CACNA1I: variants seen among roughly 807,000 people sequenced by gnomAD.
CACNA1I encodes calcium voltage-gated channel subunit alpha1 I.
A neutral mutation model predicts 201.6 loss-of-function variants in CACNA1I; 74 were observed. The observed-to-expected ratio is 0.37, with a 90% CI of 0.30 to 0.45. CACNA1I has a LOEUF of 0.45. CACNA1I is among the 20% of genes least tolerant of loss of function. The probability of loss-of-function intolerance (pLI) is 1.00; values close to 1 mark genes in which losing one functional copy is unlikely to be tolerated. For synonymous variants in CACNA1I, 1,431 were observed against 1,345.2 expected (o/e 1.06, Z -1.40); for missense variants, 2,346 against 3,138.1 (o/e 0.75, Z 6.03).
chr22:39,674,053 G>C lies in CACNA1I; in HGVS notation c.4854+20G>C, dbSNP rs2146469125. 6.2e-7 allele frequency: 1 copy of C among 1,611,292 alleles called. No individual in the cohort carries two copies. Among genetic ancestry groups the C allele is most frequent in the East Asian group, 2.2e-5 (1 of 44,864 alleles). On this transcript the variant is annotated intron_variant, in intron 29 of 36. Coordinates refer to ENST00000402142, the MANE Select transcript of CACNA1I (RefSeq NM_021096.4). Reference sequence around the variant, plus strand: ...CCCCAGGTAAGAGCCACTCTTTCTGGCAGCCCTCCTAGGGGTCATTGGTGT... The same window carrying C: ...CCCCAGGTAAGAGCCACTCTTTCTGCCAGCCCTCCTAGGGGTCATTGGTGT...
At position 39,680,957 on chromosome 22, in the gene CACNA1I, T is replaced by C. The variant is rs1935685152; in HGVS notation, c.5569T>C (p.Ser1857Pro). The change falls in exon 34 of 37, where the codon TCC becomes CCC. Residue 1857 changes from serine to proline, a missense_variant. This residue lies in a region of CACNA1I where 441 missense variants were observed against 555.6 expected (regional missense o/e 0.79). Coordinates refer to ENST00000402142, the MANE Select transcript of CACNA1I (RefSeq NM_021096.4). ...GCAGCTGGCTGAGACGGAGGCCTTC[T>C]CCCTGAACTCAGACAGGTCCTCGTC... ...EVQLAETEAF[S>P]LNSDRSSSIL... 6.2e-7 allele frequency: 1 copy of C among 1,611,444 alleles called. No individual in the cohort carries two copies.
At chr22:39,601,951 TTC>T (rs1278842813) in intron 3 of CACNA1I, among the ~76,000 whole-genome samples, 1 of 30,470 alleles carries the variant, frequency 3.3e-5, no homozygotes, top group Non-Finnish European at 6.8e-5. Context: ...CCTTCCTTCC[TTC>T]TCTCTCTCTT....
chr22:39,658,788 GCAGC>G, intron 11 of CACNA1I, 139 bp from the exon 12 acceptor site: 1 of 725,056 alleles, frequency 1.4e-6, no homozygotes, highest in South Asian at 1.8e-5. Context: ...GTGGCGTGGA[GCAGC>G]ATCCAACATA....
At chr22:39,598,828 T>A (rs1601806599) in intron 2 of CACNA1I, among the ~76,000 whole-genome samples, 1 of 151,836 alleles carries the variant, frequency 6.6e-6, no homozygotes, top group Admixed American at 6.6e-5. Flanking sequence ...AGAGCATGTA[T>A]ACGGGTAGCA....
In CACNA1I at chr22:39,662,143, C is replaced by T. The variant is rs1356042380; in HGVS notation, c.3080C>T (p.Pro1027Leu). ...VCEVAADEGP[P>L]RAAPLHTPHA... ...GAGGTTGCCGCGGACGAGGGGCCGC[C>T]GCGGGCCGCACCCCTGCACACCCCA... The change falls in exon 17 of 37, where the codon CCG (proline) becomes CTG (leucine). Residue 1027 changes from proline (P) to leucine (L), a missense_variant. Coordinates refer to ENST00000402142, the MANE Select transcript of CACNA1I (RefSeq NM_021096.4). The T allele has an allele frequency of 1.0e-5, 16 of 1,525,694 alleles. No individual in the cohort carries two copies. The East Asian group carries it at 1.8e-4, about 17-fold the overall frequency. The allele number at this position is 1,525,694 out of a possible 1,614,324, so 94.5% of individuals were successfully genotyped here. A position where few individuals can be genotyped will look rare whatever the true frequency, so the allele number is the denominator to read the frequency against.
At position 39,659,307 on chromosome 22, in the gene CACNA1I, A is replaced by G; in HGVS notation, c.2331-126A>G. On this transcript the variant is annotated intron_variant, in intron 12 of 36. Transcript: ENST00000402142. The surrounding 1 kb of genome is among the most constrained non-coding windows in gnomAD (Gnocchi z 4.3). The stretch of plus-strand genomic sequence containing the variant: ...CTAAGCCTCAGTGTTCATCTCTGTA[A>G]AATGGGACCAACGCTGCCCCGCCTC... The G allele has an allele frequency of 1.1e-6, 1 of 926,150 alleles. No homozygotes were observed. Among genetic ancestry groups the G allele is most frequent in the Non-Finnish European group, 1.7e-6 (1 of 600,306 alleles). The allele number at this position is 926,150 out of a possible 1,614,324, so 57.4% of individuals were successfully genotyped here.
At chr22:39,616,043 G>A (rs1933525759) in intron 3 of CACNA1I, among the ~76,000 whole-genome samples, 1 of 152,208 alleles carries the variant, frequency 6.6e-6, no homozygotes, top group South Asian at 2.1e-4. Context: ...ATTCTCAGGG[G>A]AATTTGGGGA....
At chr22:39,656,341 C>T in intron 10 of CACNA1I, 1 of 508,294 alleles carries the variant, frequency 2.0e-6, no homozygotes. Context: ...ACCTCCCAGC[C>T]AGCTGGGTCC....
At chr22:39,638,232 G>A (rs180862599) in intron 5 of CACNA1I, among the ~76,000 whole-genome samples, 5 of 152,210 alleles carry the variant, frequency 3.3e-5, no homozygotes, top group Admixed American at 1.3e-4. Flanking sequence ...GAGCCACTGC[G>A]CCTGGCCCCA....
rs1934490171 is a variant in CACNA1I at position 39,646,499 on chromosome 22, C to G, written c.1150-70C>G. The G allele has an allele frequency of 2.0e-6, 3 of 1,480,202 alleles. No individual in the cohort carries two copies. The East Asian group carries it at 7.5e-5, about 37-fold the overall frequency. 91.7% of individuals were successfully genotyped at this position (1,480,202 alleles called of 1,614,324 possible). On this transcript the variant is annotated intron_variant, in intron 7 of 36. Transcript: ENST00000402142. ...TCCCTGCTGTCCCCACTCCATGACT[C>G]TGCCTCTCTCACCCTTCTGTCCCCT...
At chr22:39,614,334 C>T (rs534746721) in intron 3 of CACNA1I, among the ~76,000 whole-genome samples, 1 of 152,310 alleles carries the variant, frequency 6.6e-6, no homozygotes, top group South Asian at 2.1e-4. Flanking sequence ...GGACCTAGAA[C>T]CCAAAAGGAA....
At position 39,585,386 on chromosome 22, in the gene CACNA1I, CTTTTTTTTTTTTT is replaced by C. The variant is rs67733131; in HGVS notation, c.237-12756_237-12744del. ...GCTTTTTTTCTTTCTTTCTTTCTTT[CTTTTTTTTTTTTT>C]TTTTTTTTGAGACTGAGTCTCCCTC... On this transcript the variant is annotated intron_variant, in intron 1 of 36. Transcript: ENST00000402142. Among the ~76,000 whole-genome samples, 89 of 90,460 alleles carry C rather than the reference CTTTTTTTTTTTTT, an allele frequency of 9.8e-4. 1 individual carries two copies. The highest frequency in any genetic ancestry group is 3.3e-3 in the Admixed American group (28 of 8,436). 59.3% of individuals were successfully genotyped at this position (90,460 alleles called of 152,430 possible). A position where few individuals can be genotyped will look rare whatever the true frequency, so the allele number is the denominator to read the frequency against.
rs913671303 is a variant in CACNA1I at position 39,682,676 on chromosome 22, C to G, written c.5830+15C>G. 2 of 1,605,958 alleles carry G rather than the reference C, an allele frequency of 1.2e-6. No individual in the cohort carries two copies. The highest frequency in any genetic ancestry group is 2.7e-5 in the African/African-American group (2 of 74,330). ...CAGCAGTCAAGGTGAGGGGTGGGAG[C>G]CCTGCCAGCTCCCCACAGCCCTCAT... On this transcript the variant is annotated intron_variant, in intron 35 of 36. Coordinates refer to ENST00000402142, the MANE Select transcript of CACNA1I (RefSeq NM_021096.4).
At chr22:39,574,460 C>G (rs1413843494) in intron 1 of CACNA1I, among the ~76,000 whole-genome samples, 1 of 151,542 alleles carries the variant, frequency 6.6e-6, no homozygotes, top group African/African-American at 2.4e-5. Context: ...TCAGGGTGGG[C>G]TTTAGGGGCT....
At chr22:39,623,016 T>C (rs1377999792) in intron 4 of CACNA1I, among the ~76,000 whole-genome samples, 1 of 152,156 alleles carries the variant, frequency 6.6e-6, no homozygotes, top group East Asian at 1.9e-4. Context: ...TACGTGATCT[T>C]GATCTGAACC....
chr22:39,572,653 C>T (rs1355140353), intron 1 of CACNA1I, among the ~76,000 whole-genome samples: 3 of 152,082 alleles, frequency 2.0e-5, no homozygotes. Flanking sequence ...AATTAGTTCA[C>T]CCAGCACTCA....
intron 25 of CACNA1I, 61 bp downstream of exon 25, chr22:39,670,291 G>T: frequency 6.5e-7 from 1 of 1,534,672 alleles, no homozygotes; most frequent in Non-Finnish European, 8.8e-7. Context: ...GCCTGGGCCT[G>T]ACCCCAGCCT....
At chr22:39,627,134 C>A (rs1933920750) in intron 4 of CACNA1I, among the ~76,000 whole-genome samples, 1 of 152,162 alleles carries the variant, frequency 6.6e-6, no homozygotes, top group South Asian at 2.1e-4. Flanking sequence ...CACTCCCGTC[C>A]CCAGTGTCTG....
At chr22:39,678,773 C>T (rs1160143247) in intron 31 of CACNA1I, among the ~76,000 whole-genome samples, 2 of 152,162 alleles carry the variant, frequency 1.3e-5, no homozygotes, top group Non-Finnish European at 2.9e-5. Flanking sequence ...ACGAATGCAC[C>T]CTACTCCCCA....
Sources: allele counts gnomAD v4.1 joint callset (sites outside exome capture counted in the v4.1 genomes callset), GRCh38; gene constraint gnomAD v4.1.1; regional missense constraint gnomAD v4.1.1; non-coding constraint Gnocchi (gnomAD v3.1); transcripts MANE v1.5; gene names NCBI Gene and HGNC (gene_info 2026-07-23, HGNC 2026-07-21).